Variants in RELN observed in about 807,000 individuals in gnomAD.
RELN encodes reelin.
RELN carries 108 observed loss-of-function variants against 427.6 expected under a neutral mutation model. The ratio of observed to expected loss-of-function variants is 0.25; its 90% CI spans 0.22 to 0.30. The LOEUF is 0.30. Among genes scored for constraint, RELN ranks in the 10% least tolerant of loss-of-function variants. The pLI, the probability that RELN is intolerant of heterozygous loss-of-function variation, is 1.00. For missense variants in RELN, 3,715 were observed against 4,302.8 expected, an observed-to-expected ratio of 0.86 and a Z score of 3.82; for synonymous variants, 1,524 against 1,513.4, an observed-to-expected ratio of 1.01 and a Z score of -0.16.
At chr7:103,651,147 G>A (rs1832905938) in intron 15 of RELN, among the ~76,000 whole-genome samples, 1 of 151,956 alleles carries the variant, frequency 6.6e-6, no homozygotes. Context: ...TGCCATTCTT[G>A]CAAATATTTT....
At chr7:103,774,377 GA>G (rs1368317478) in intron 4 of RELN, among the ~76,000 whole-genome samples, 2 of 151,390 alleles carry the variant, frequency 1.3e-5, no homozygotes, top group African/African-American at 2.4e-5. Flanking sequence ...AAGACATAAT[GA>G]GTACATTTTC....
chr7:103,962,410 C>A (rs558227453), intron 1 of RELN, among the ~76,000 whole-genome samples: 1 of 152,206 alleles, frequency 6.6e-6, no homozygotes, highest in South Asian at 2.1e-4. Context: ...CCTCTCTTTG[C>A]TCTTCCTGCT....
intron 2 of RELN, among the ~76,000 whole-genome samples, chr7:103,865,668 G>A (rs921146172): frequency 6.6e-6 from 1 of 152,154 alleles, no homozygotes; most frequent in Non-Finnish European, 1.5e-5. Flanking sequence ...CATCACGATA[G>A]ATGCAGAAAA....
chr7:103,710,737 G>A, intron 8 of RELN, among the ~76,000 whole-genome samples: 1 of 152,186 alleles, frequency 6.6e-6, no homozygotes, highest in Non-Finnish European at 1.5e-5. Context: ...TGTTGTCACA[G>A]GAAAGGTGAT....
At chr7:103,786,350 G>T (rs916380643) in intron 3 of RELN, among the ~76,000 whole-genome samples, 2 of 151,620 alleles carry the variant, frequency 1.3e-5, no homozygotes, top group South Asian at 4.1e-4. Context: ...ATTTGCTTAT[G>T]TTTAATATTT....
At chr7:103,555,266 G>C (rs1246896992) in intron 38 of RELN, among the ~76,000 whole-genome samples, 1 of 152,140 alleles carries the variant, frequency 6.6e-6, no homozygotes, top group Non-Finnish European at 1.5e-5. Flanking sequence ...TCCCTAGGTT[G>C]CTTCTTCACT....
chr7:103,845,533 C>A (rs1793654045), intron 2 of RELN, among the ~76,000 whole-genome samples: 1 of 152,186 alleles, frequency 6.6e-6, no homozygotes, highest in Non-Finnish European at 1.5e-5. Context: ...GCTGTCATAT[C>A]TGTAAAGTGA....
At chr7:103,718,621 G>A (rs1176644182) in intron 8 of RELN, among the ~76,000 whole-genome samples, 1 of 152,068 alleles carries the variant, frequency 6.6e-6, no homozygotes, top group Non-Finnish European at 1.5e-5. Flanking sequence ...GCCATGAAAT[G>A]TCTGCATCAC....
rs539188181 is a variant in RELN, at chr7:103,934,337, G to A, written c.227-17152C>T. Among the ~76,000 whole-genome samples the A allele has an allele frequency of 1.2e-4, 18 of 152,206 alleles. No individual in the cohort carries two copies. In the South Asian group the frequency reaches 3.5e-3, roughly 30 times the overall value. The stretch of plus-strand genomic sequence containing the variant: ...CATATTCAATGAGAATTGCATGCCT[G>A]CCAGACACATTATTTCTTGTTTCAT... On this transcript the variant is annotated intron_variant, in intron 1 of 64. Transcript: ENST00000428762.
In RELN at chr7:103,968,072, G is replaced by T. The variant is rs1391589000; in HGVS notation, c.226+21059C>A. On this transcript the variant is annotated intron_variant, in intron 1 of 64. Coordinates refer to ENST00000428762, the MANE Select transcript of RELN (RefSeq NM_005045.4). The surrounding 1 kb of genome is among the most constrained non-coding windows in gnomAD (Gnocchi z 4.3). ...TATATGAATATATATATTTCTCAAA[G>T]TATATATTTCTCAAACTTGATGGCA... is the stretch of plus-strand genomic sequence containing the variant. 6.7e-6 allele frequency among the ~76,000 whole-genome samples: 1 copy of T among 149,830 alleles called. No individual in the cohort carries two copies. The highest frequency in any genetic ancestry group is 1.5e-5 in the Non-Finnish European group (1 of 67,616).
At chr7:103,727,276 T>C (rs1790235463) in intron 7 of RELN, among the ~76,000 whole-genome samples, 1 of 151,676 alleles carries the variant, frequency 6.6e-6, no homozygotes, top group African/African-American at 2.4e-5. Context: ...ATGTGGGAAA[T>C]AAAAGAACAA....
intron 55 of RELN, among the ~76,000 whole-genome samples, chr7:103,497,139 A>G (rs1828866849): frequency 2.0e-5 from 3 of 152,158 alleles, no homozygotes; most frequent in East Asian, 1.9e-4. Flanking sequence ...ATTTTATGCA[A>G]TTTAATTATT....
intron 53 of RELN, among the ~76,000 whole-genome samples, chr7:103,499,665 A>G (rs1428076828): frequency 6.6e-6 from 1 of 152,212 alleles, no homozygotes; most frequent in Non-Finnish European, 1.5e-5. Context: ...TAGTCTCACT[A>G]ATGGATAGCA....
Position 103,589,764 on chromosome 7 carries a change from T to G in RELN, c.3977A>C (p.Asp1326Ala). 3 of 1,613,842 alleles carry G rather than the reference T, an allele frequency of 1.9e-6. No homozygotes were observed. The highest frequency in any genetic ancestry group is 2.5e-6 in the Non-Finnish European group (3 of 1,179,732). The part of the protein sequence containing the change: ...TAPVLLQYSH[D>A]AGMSWFLVKE... ...CACCAGAAACCAGGACATACCAGCA[T>G]CATGAGAGTACTGAAGAAGAACTGG... is the stretch of plus-strand genomic sequence containing the variant. Residue 1326 changes from aspartate (D) to alanine (A), a missense_variant, in exon 28 of 65, where the codon GAT becomes GCT. Coordinates refer to ENST00000428762, the MANE Select transcript of RELN (RefSeq NM_005045.4).
chr7:103,871,079 C>T (rs1436719333), intron 2 of RELN, among the ~76,000 whole-genome samples: 1 of 152,012 alleles, frequency 6.6e-6, no homozygotes, highest in African/African-American at 2.4e-5. Flanking sequence ...TAAGTAAAAA[C>T]CCAATCTATT....
At chr7:103,941,870 A>C (rs1796121760) in intron 1 of RELN, among the ~76,000 whole-genome samples, 1 of 152,050 alleles carries the variant, frequency 6.6e-6, no homozygotes, top group Non-Finnish European at 1.5e-5. Flanking sequence ...TGACAGAGAG[A>C]GAGAACTTGC....
Position 103,842,005 on chromosome 7 carries a change from AT to A in RELN, c.338-8334del, listed in dbSNP as rs371798244. On this transcript the variant is annotated intron_variant, in intron 2 of 64. Transcript: ENST00000428762. ...AAAGGGCAAGTACATTAAAATTATGATTTTTTTATGTGAAAAATATAACCCC... is the reference window on the plus strand; with the variant it reads ...AAAGGGCAAGTACATTAAAATTATGATTTTTTATGTGAAAAATATAACCCC... 4.0e-3 allele frequency among the ~76,000 whole-genome samples: 604 copies of A among 152,198 alleles called. 5 individuals carry two copies. Among genetic ancestry groups the A allele is most frequent in the African/African-American group, 0.013 (554 of 41,550 alleles).
In RELN at chr7:103,603,547, C is replaced by A; in HGVS notation, c.3147-57G>T. Reference sequence around the variant, plus strand: ...ACAGGCCCACCTGCCAATGCAATGGCCCTCTGACCTCAACCATTTCCCATG... The same window carrying A: ...ACAGGCCCACCTGCCAATGCAATGGACCTCTGACCTCAACCATTTCCCATG... On this transcript the variant is annotated intron_variant, in intron 23 of 64. Coordinates refer to ENST00000428762, the MANE Select transcript of RELN (RefSeq NM_005045.4). The surrounding 1 kb of genome is among the most constrained non-coding windows in gnomAD (Gnocchi z 4.3). 1 of 1,276,742 alleles carries A rather than the reference C, an allele frequency of 7.8e-7. No individual in the cohort carries two copies. Among genetic ancestry groups the A allele is most frequent in the Non-Finnish European group, 1.1e-6 (1 of 872,994 alleles). The allele number at this position is 1,276,742 out of a possible 1,614,324, so 79.1% of individuals were successfully genotyped here.
chr7:103,890,275 T>C (rs1794818214), intron 2 of RELN, among the ~76,000 whole-genome samples: 1 of 151,986 alleles, frequency 6.6e-6, no homozygotes, highest in Non-Finnish European at 1.5e-5. Context: ...TTTGGCCCAA[T>C]GTGTCCATCA....
Sources: allele counts gnomAD v4.1 joint callset (sites outside exome capture counted in the v4.1 genomes callset), GRCh38; gene constraint gnomAD v4.1.1; non-coding constraint Gnocchi (gnomAD v3.1); transcripts MANE v1.5; gene names NCBI Gene and HGNC (gene_info 2026-07-23, HGNC 2026-07-21).